The following LPAR6 variants were observed in gnomAD, a reference collection of about 807,000 sequenced individuals.
LPAR6 encodes lysophosphatidic acid receptor 6.
LPAR6 carries 17 observed loss-of-function variants against 22.0 expected under a neutral mutation model. The ratio of observed to expected loss-of-function variants is 0.77; its 90% CI spans 0.53 to 1.16. The LOEUF is 1.16. Ranked by LOEUF, LPAR6 falls within the 50% of genes most tolerant of loss-of-function variation. The pLI is 0.00. For missense variants in LPAR6, 384 were observed against 406.9 expected, an observed-to-expected ratio of 0.94 and a Z score of 0.48; for synonymous variants, 136 against 139.8, an observed-to-expected ratio of 0.97 and a Z score of 0.19.
At chr13:48,438,374 G>A (rs1949204644) in intron 1 of LPAR6, among the ~76,000 whole-genome samples, 1 of 151,978 alleles carries the variant, frequency 6.6e-6, no homozygotes, top group Admixed American at 6.6e-5. Context: ...CTATTCTTCT[G>A]CTTTTTACTT....
chr13:48,403,063 T>C (rs1334287456), intron 1 of LPAR6, among the ~76,000 whole-genome samples: 1 of 152,074 alleles, frequency 6.6e-6, no homozygotes, highest in Non-Finnish European at 1.5e-5. Flanking sequence ...ATTGGTAAAA[T>C]TAGTTGGAAA....
chr13:48,405,632 G>T (rs2138187565), intron 1 of LPAR6, among the ~76,000 whole-genome samples: 1 of 152,280 alleles, frequency 6.6e-6, no homozygotes, highest in South Asian at 2.1e-4. Context: ...AGTAGAGCCT[G>T]CAAACCGAAA....
Position 48,435,881 on chromosome 13 carries a change from T to A in LPAR6, c.-1474+8672A>T, listed in dbSNP as rs1050813764. On this transcript the variant is annotated intron_variant, in intron 1 of 6. Coordinates refer to the LPAR6 transcript ENST00000378434. ...GGGAACAAAGAAAAGATGAGACAAA[T>A]AGATGTAGAATTTAAACTAATTATA... 6.6e-5 allele frequency among the ~76,000 whole-genome samples: 10 copies of A among 152,274 alleles called. No homozygotes were observed. The East Asian group carries it at 1.9e-3, about 29-fold the overall frequency.
chr13:48,393,943 T>C (rs1214009280), intron 1 of LPAR6, among the ~76,000 whole-genome samples: 4 of 152,044 alleles, frequency 2.6e-5, no homozygotes, highest in Non-Finnish European at 5.9e-5. Context: ...CATAAGAAAA[T>C]ACTTAGGATG....
chr13:48,400,633 A>G (rs1291761075), intron 1 of LPAR6, among the ~76,000 whole-genome samples: 2 of 152,158 alleles, frequency 1.3e-5, no homozygotes, highest in Non-Finnish European at 2.9e-5. Flanking sequence ...TATTTTATAG[A>G]TAAAGAGACC....
chr13:48,391,224 A>T (rs1026579315), intron 1 of LPAR6, among the ~76,000 whole-genome samples: 1 of 152,202 alleles, frequency 6.6e-6, no homozygotes, highest in Non-Finnish European at 1.5e-5. Context: ...GAATCTTAGA[A>T]TAGTATATTT....
downstream of LPAR6, among the ~76,000 whole-genome samples, chr13:48,409,150 C>CTT (rs1282281494): frequency 2.4e-4 from 32 of 131,008 alleles, no homozygotes; most frequent in African/African-American, 4.7e-4. Flanking sequence ...TTTCTTTTCT[C>CTT]TTTTTTTTTT....
intron 1 of LPAR6, among the ~76,000 whole-genome samples, chr13:48,393,912 T>G (rs1036176612): frequency 1.2e-4 from 19 of 152,214 alleles, no homozygotes; most frequent in African/African-American, 4.6e-4. Flanking sequence ...GTTACACAAG[T>G]ACTTGGCCAA....
chr13:48,429,307 C>G (rs1285256639), upstream of LPAR6: 1 of 152,216 alleles, frequency 6.6e-6, no homozygotes, highest in Non-Finnish European at 1.5e-5. Flanking sequence ...CCCAGCTACT[C>G]TGTAGGCTGA....
At chr13:48,422,071 T>C (rs1949014180) in intron 2 of LPAR6, among the ~76,000 whole-genome samples, 3 of 152,346 alleles carry the variant, frequency 2.0e-5, no homozygotes, top group African/African-American at 4.8e-5. Flanking sequence ...TGCACACATA[T>C]GCTTATTGCA....
chr13:48,402,548 T>G (rs796446194), intron 1 of LPAR6, among the ~76,000 whole-genome samples: 20 of 152,156 alleles, frequency 1.3e-4, no homozygotes, highest in African/African-American at 4.3e-4. Flanking sequence ...CAGCTAATTT[T>G]TTTTATTCTT....
intron 1 of LPAR6, among the ~76,000 whole-genome samples, chr13:48,395,748 A>G (rs1055177939): frequency 6.6e-6 from 1 of 152,196 alleles, no homozygotes; most frequent in Non-Finnish European, 1.5e-5. Flanking sequence ...GACCAAACCT[A>G]TGTTTGATTG....
chr13:48,409,570 A>ATTTTTT (rs5803435), downstream of LPAR6, among the ~76,000 whole-genome samples: 15 of 59,692 alleles, frequency 2.5e-4, 2 homozygotes, highest in African/African-American at 9.1e-4. Context: ...GAACTGCTTG[A>ATTTTTT]TTTTTTTTTT....
At chr13:48,429,974 C>T (rs890457823), upstream of LPAR6, among the ~76,000 whole-genome samples, 1 of 152,136 alleles carries the variant, frequency 6.6e-6, no homozygotes, top group Non-Finnish European at 1.5e-5. Context: ...ACATTTAATG[C>T]CAATCCAGTA....
Position 48,411,987 on chromosome 13 carries a change from C to T in LPAR6, c.437G>A (p.Gly146Glu), listed in dbSNP as rs1351789808. 1.2e-6 allele frequency: 2 copies of T among 1,604,414 alleles called. No individual in the cohort carries two copies. Among genetic ancestry groups the T allele is most frequent in the East Asian group, 2.3e-5 (1 of 44,438 alleles). ...VCTGVWLTVI[G>E]GSAPAVFVQS... ...AACAAAAACGGCGGGTGCACTTCCTCCGATCACAGTTAACCACACGCCAGT... is the reference window on the plus strand; with the variant it reads ...AACAAAAACGGCGGGTGCACTTCCTTCGATCACAGTTAACCACACGCCAGT... The change falls in exon 1 of 1, where the codon GGA becomes GAA. Residue 146 changes from glycine (G) to glutamate (E), a missense_variant. Physicochemically the swap from Gly to Glu is moderately conservative, Grantham distance 98 (BLOSUM62 -2). Coordinates refer to ENST00000620633, the MANE Select transcript of LPAR6 (RefSeq NM_001162498.3).
intron 1 of LPAR6, among the ~76,000 whole-genome samples, chr13:48,390,889 G>C (rs1948606174): frequency 1.3e-5 from 2 of 152,160 alleles, no homozygotes; most frequent in South Asian, 2.1e-4. Flanking sequence ...GCATATTGTT[G>C]GGTGTTGCTT....
intron 2 of LPAR6, chr13:48,422,564 A>G (rs1458383314): frequency 2.0e-5 from 3 of 152,164 alleles, no homozygotes; most frequent in African/African-American, 2.4e-5. Flanking sequence ...TGTTGCCATA[A>G]TGACCTTGTA....
chr13:48,420,692 C>A (rs959545311), intron 2 of LPAR6, among the ~76,000 whole-genome samples: 6 of 152,184 alleles, frequency 3.9e-5, no homozygotes, highest in Non-Finnish European at 7.3e-5. Context: ...AGCAAAGTCT[C>A]AGGATACAAA....
intron 1 of LPAR6, among the ~76,000 whole-genome samples, chr13:48,402,417 T>G (rs1468085691): frequency 7.5e-6 from 1 of 133,448 alleles, no homozygotes; most frequent in Non-Finnish European, 1.6e-5. Context: ...CACTCTGTTT[T>G]CCCAGGCTGG....
Sources: gnomAD v4.1 joint callset for allele counts (sites outside exome capture counted in the v4.1 genomes callset) on GRCh38, gnomAD v4.1.1 for gene constraint, MANE v1.5 for transcripts, NCBI Gene and HGNC (gene_info 2026-07-23, HGNC 2026-07-21) for gene names.